Variants in SNTG1 observed in about 807,000 individuals in gnomAD.
The protein encoded by SNTG1 is gamma-1-syntrophin.
A neutral mutation model predicts 74.7 loss-of-function variants in SNTG1; 39 were observed. That is an observed-to-expected ratio of 0.52 (90% confidence interval 0.40 to 0.68). The LOEUF is 0.68. Among genes scored for constraint, SNTG1 ranks in the 30% least tolerant of loss-of-function variants. SNTG1 has a pLI of 0.00. For synonymous variants in SNTG1, 254 were observed against 217.1 expected, an observed-to-expected ratio of 1.17 and a Z score of -1.49; for missense variants, 685 against 609.5, an observed-to-expected ratio of 1.12 and a Z score of -1.30.
chr8:50,231,549 C>T (rs1405026505), intron 2 of SNTG1, among the ~76,000 whole-genome samples: 2 of 151,156 alleles, frequency 1.3e-5, no homozygotes, highest in Non-Finnish European at 3.0e-5. Flanking sequence ...CACTATTTAG[C>T]CTTAAAAATG....
At chr8:50,204,982 G>T (rs1472569849) in intron 2 of SNTG1, among the ~76,000 whole-genome samples, 2 of 152,098 alleles carry the variant, frequency 1.3e-5, no homozygotes, top group Non-Finnish European at 2.9e-5. Flanking sequence ...ATGGACATTT[G>T]GGTTGGTTCC....
chr8:49,927,498 A>C (rs1034385410), intron 1 of SNTG1, among the ~76,000 whole-genome samples: 7 of 152,188 alleles, frequency 4.6e-5, no homozygotes, highest in African/African-American at 1.7e-4. Context: ...CTTACTTAAG[A>C]AGTTGAGAAT....
intron 15 of SNTG1, among the ~76,000 whole-genome samples, chr8:50,671,220 G>A (rs898953648): frequency 2.0e-5 from 3 of 151,902 alleles, no homozygotes; most frequent in African/African-American, 7.3e-5. Context: ...AAGAGCTTCT[G>A]CACAGCAAAA....
At chr8:50,484,137 C>CTTTCTTTCTTTCT (rs1563453444) in intron 8 of SNTG1, among the ~76,000 whole-genome samples, 38 of 55,864 alleles carry the variant, frequency 6.8e-4, no homozygotes, top group East Asian at 1.3e-3. Context: ...TCTTTCTTTC[C>CTTTCTTTCTTTCT]TTCTTTCTTT....
At chr8:50,674,847 A>T (rs969273480) in intron 15 of SNTG1, among the ~76,000 whole-genome samples, 1 of 152,082 alleles carries the variant, frequency 6.6e-6, no homozygotes, top group African/African-American at 2.4e-5. Context: ...TATGTCCCAG[A>T]GATTCTTGTA....
chr8:49,950,750 T>G (rs1366078593), intron 1 of SNTG1, among the ~76,000 whole-genome samples: 1 of 152,178 alleles, frequency 6.6e-6, no homozygotes, highest in Non-Finnish European at 1.5e-5. Context: ...TCTAGGCAGC[T>G]GGCTTTGATT....
chr8:50,022,231 C>T (rs183090417), intron 1 of SNTG1, among the ~76,000 whole-genome samples: 2 of 152,054 alleles, frequency 1.3e-5, no homozygotes, highest in Non-Finnish European at 1.5e-5. Flanking sequence ...AACAATGTCT[C>T]GAGACTGCTC....
In SNTG1 at chr8:50,005,489, A is replaced by T. The variant is rs560117728; in HGVS notation, c.-103+93258A>T. Among the ~76,000 whole-genome samples the T allele has an allele frequency of 3.3e-5, 5 of 151,978 alleles. No individual in the cohort carries two copies. In the South Asian group the frequency reaches 8.3e-4, roughly 25 times the overall value. The stretch of plus-strand genomic sequence containing the variant: ...TATTACTGCAAAAAAAAAATAATTG[A>T]TCATTTAGTTGCGTATTTCAATATG... On this transcript the variant is annotated intron_variant, in intron 1 of 18. Transcript: ENST00000642720.
intron 5 of SNTG1, 102 bp downstream of exon 5, chr8:50,438,701 A>G: frequency 1.1e-6 from 1 of 927,340 alleles, no homozygotes; most frequent in South Asian, 1.5e-5. Flanking sequence ...AAGGATGGCT[A>G]TAGCAAACTC....
At chr8:50,579,609 C>T (rs749454990) in intron 12 of SNTG1, among the ~76,000 whole-genome samples, 3 of 152,134 alleles carry the variant, frequency 2.0e-5, no homozygotes, top group South Asian at 2.1e-4. Context: ...TGCATCGCAG[C>T]TGCTCTGGCT....
chr8:50,492,580 A>T (rs2093867227), intron 8 of SNTG1, among the ~76,000 whole-genome samples: 1 of 152,030 alleles, frequency 6.6e-6, no homozygotes, highest in Admixed American at 6.6e-5. Context: ...CCACTTTTTG[A>T]TGGAGTTGTT....
intron 1 of SNTG1, among the ~76,000 whole-genome samples, chr8:50,161,438 G>A (rs1390789447): frequency 2.6e-5 from 4 of 152,194 alleles, no homozygotes; most frequent in Admixed American, 1.3e-4. Context: ...TCAGTTTCAT[G>A]GCTTGGGGCA....
chr8:50,112,515 CTTTTTTTTTT>C (rs34942560), intron 1 of SNTG1, among the ~76,000 whole-genome samples: 4 of 77,596 alleles, frequency 5.2e-5, no homozygotes, highest in Non-Finnish European at 6.7e-5. Context: ...TTAGTTCTTT[CTTTTTTTTTT>C]TTTTTTTTTT....
chr8:50,215,661 T>C (rs1204675502), intron 2 of SNTG1, among the ~76,000 whole-genome samples: 1 of 151,868 alleles, frequency 6.6e-6, no homozygotes, highest in Non-Finnish European at 1.5e-5. Flanking sequence ...CCAGAGAAAC[T>C]GTTGAACTCT....
intron 9 of SNTG1, among the ~76,000 whole-genome samples, chr8:50,513,329 G>A (rs915883486): frequency 2.6e-5 from 4 of 152,158 alleles, no homozygotes; most frequent in Admixed American, 1.3e-4. Flanking sequence ...TGCCCCTACT[G>A]GGGGGTGCCT....
intron 1 of SNTG1, among the ~76,000 whole-genome samples, chr8:50,097,033 G>A (rs1357360039): frequency 6.6e-6 from 1 of 151,998 alleles, no homozygotes; most frequent in Non-Finnish European, 1.5e-5. Flanking sequence ...GCAGTGGCGT[G>A]ATCTCTGCTT....
At chr8:50,010,264 A>AACTC (rs1244737366) in intron 1 of SNTG1, among the ~76,000 whole-genome samples, 1 of 152,152 alleles carries the variant, frequency 6.6e-6, no homozygotes, top group African/African-American at 2.4e-5. Context: ...TACTCAGAGT[A>AACTC]ACTCACTTAA....
intron 11 of SNTG1, among the ~76,000 whole-genome samples, chr8:50,543,696 G>C (rs999669501): frequency 1.3e-5 from 2 of 151,972 alleles, no homozygotes; most frequent in East Asian, 3.9e-4. Flanking sequence ...CATTTATTTG[G>C]ATAAATGCTA....
At chr8:49,990,671 T>A (rs1288268101) in intron 1 of SNTG1, among the ~76,000 whole-genome samples, 3 of 152,134 alleles carry the variant, frequency 2.0e-5, no homozygotes, top group African/African-American at 2.4e-5. Flanking sequence ...TTATGGTAAA[T>A]CTATTTTCAA....
Sources: allele counts gnomAD v4.1 joint callset (sites outside exome capture counted in the v4.1 genomes callset), GRCh38; gene constraint gnomAD v4.1.1; transcripts MANE v1.5; gene names NCBI Gene and HGNC (gene_info 2026-07-23, HGNC 2026-07-21).